Variants in SNTB2 observed in about 807,000 individuals in gnomAD.
The protein encoded by SNTB2 is syntrophin beta 2.
SNTB2 carries 34 observed loss-of-function variants against 46.2 expected under a neutral mutation model. The ratio of observed to expected loss-of-function variants is 0.74; its 90% CI spans 0.56 to 0.98. The LOEUF (loss-of-function observed/expected upper bound fraction) is 0.98, where lower values mean the gene tolerates loss of function less well. SNTB2 is among the 50% of genes least tolerant of loss of function. SNTB2 has a pLI of 0.00. For missense variants in SNTB2, 603 were observed against 731.4 expected (o/e 0.82, Z 2.02); for synonymous variants, 290 against 312.6 (o/e 0.93, Z 0.76).
intron 1 of SNTB2, among the ~76,000 whole-genome samples, chr16:69,199,991 C>T (rs566822844): frequency 8.5e-5 from 13 of 152,096 alleles, no homozygotes; most frequent in African/African-American, 2.4e-4. Context: ...CTCAGCTCAC[C>T]GCAACCTCCA....
intron 1 of SNTB2, among the ~76,000 whole-genome samples, chr16:69,224,709 G>T (rs544043039): frequency 6.6e-6 from 1 of 152,038 alleles, no homozygotes. Flanking sequence ...GAAAGAGCTG[G>T]CCCTTCTCCT....
chr16:69,187,461 C>A lies in SNTB2; in HGVS notation c.295C>A (p.Pro99Thr). ...CCTGGGGCCCCCGAGCCCGCCGGCG[C>A]CGCCTCGGGGCCCCGCGGGTGAGGC... is the stretch of plus-strand genomic sequence containing the variant. ...RGLGPPSPPA[P>T]PRGPAGEAGA... The change falls in exon 1 of 7, where the codon CCG becomes ACG. Residue 99 changes from proline (P) to threonine (T), a missense_variant. This residue lies in a region of SNTB2 where 537 missense variants were observed against 692.4 expected (regional missense o/e 0.78). Coordinates refer to ENST00000336278, the MANE Select transcript of SNTB2 (RefSeq NM_006750.4). The A allele has an allele frequency of 8.5e-7, 1 of 1,183,122 alleles. No individual in the cohort carries two copies. The highest frequency in any genetic ancestry group is 1.0e-6 in the Non-Finnish European group (1 of 954,404). 73.3% of individuals were successfully genotyped at this position (1,183,122 alleles called of 1,614,324 possible).
chr16:69,276,585 G>A (rs1301311559), intron 4 of SNTB2, among the ~76,000 whole-genome samples: 1 of 152,172 alleles, frequency 6.6e-6, no homozygotes, highest in Admixed American at 6.5e-5. Context: ...CTCTTTCTGA[G>A]GTAGCTAATG....
chr16:69,266,359 A>G (rs1205702399), intron 3 of SNTB2, among the ~76,000 whole-genome samples: 3 of 152,010 alleles, frequency 2.0e-5, no homozygotes, highest in African/African-American at 4.8e-5. Flanking sequence ...GTGAGAGTCT[A>G]TTGTAAAAAC....
chr16:69,286,187 G>A (rs1461604920), intron 5 of SNTB2, among the ~76,000 whole-genome samples: 1 of 152,168 alleles, frequency 6.6e-6, no homozygotes, highest in Non-Finnish European at 1.5e-5. Flanking sequence ...CTGGCTTCAA[G>A]CTATTCTCTG....
rs1965326225 is a variant in SNTB2, at chr16:69,307,686, A to T, written c.*6762A>T. On this transcript the variant is annotated 3_prime_UTR_variant, in exon 7 of 7. Transcript: ENST00000336278. ...ATTAATGATAGATCAAAATGAAGAT[A>T]TTTAAAAATTAACAAAATCAGGCCA... is the stretch of plus-strand genomic sequence containing the variant. 1 of 152,070 alleles carries T rather than the reference A, an allele frequency of 6.6e-6. No individual in the cohort carries two copies. The highest frequency in any genetic ancestry group is 6.6e-5 in the Admixed American group (1 of 15,250). The allele number at this position is 152,070 out of a possible 1,614,324, so 9.4% of individuals were successfully genotyped here. A position where few individuals can be genotyped will look rare whatever the true frequency, so the allele number is the denominator to read the frequency against.
intron 3 of SNTB2, among the ~76,000 whole-genome samples, chr16:69,266,100 C>T (rs1003763403): frequency 6.6e-6 from 1 of 152,182 alleles, no homozygotes; most frequent in Non-Finnish European, 1.5e-5. Flanking sequence ...TGTGGTGGCT[C>T]ATACCTAGAA....
At chr16:69,255,939 G>A (rs1964771651) in intron 2 of SNTB2, among the ~76,000 whole-genome samples, 1 of 150,134 alleles carries the variant, frequency 6.7e-6, no homozygotes, top group East Asian at 2.0e-4. Context: ...TGTAATCCCA[G>A]CACTTTGGGA....
intron 5 of SNTB2, among the ~76,000 whole-genome samples, chr16:69,288,423 G>A (rs1032017210): frequency 3.9e-5 from 6 of 151,954 alleles, no homozygotes; most frequent in Non-Finnish European, 7.4e-5. Flanking sequence ...ACACTTTTTT[G>A]TTCTTATTCA....
intron 1 of SNTB2, among the ~76,000 whole-genome samples, chr16:69,202,213 T>C (rs1964169576): frequency 1.3e-5 from 2 of 152,184 alleles, no homozygotes; most frequent in Non-Finnish European, 2.9e-5. Flanking sequence ...CTTGGAGGCT[T>C]TCTCATTGTT....
At chr16:69,282,093 C>T (rs1477584403) in intron 4 of SNTB2, among the ~76,000 whole-genome samples, 5 of 149,488 alleles carry the variant, frequency 3.3e-5, no homozygotes, top group Admixed American at 2.6e-4. Context: ...TTAGTAGAGA[C>T]GGGGTTTTAC....
intron 1 of SNTB2, among the ~76,000 whole-genome samples, chr16:69,192,281 A>C (rs944209572): frequency 1.3e-5 from 2 of 152,192 alleles, no homozygotes; most frequent in Non-Finnish European, 2.9e-5. Context: ...AAAGCAGTTG[A>C]TGCTTGTCAG....
chr16:69,259,563 T>A (rs1037693731), intron 2 of SNTB2, among the ~76,000 whole-genome samples: 3 of 147,732 alleles, frequency 2.0e-5, no homozygotes, highest in Admixed American at 6.9e-5. Context: ...ATGTGTTGTT[T>A]TCTTTGGAAC....
intron 1 of SNTB2, among the ~76,000 whole-genome samples, chr16:69,207,052 C>T (rs150590586): frequency 6.6e-6 from 1 of 152,068 alleles, no homozygotes; most frequent in African/African-American, 2.4e-5. Context: ...CAGGCATGAG[C>T]CACACTGCGC....
chr16:69,276,787 C>T (rs965887554), intron 4 of SNTB2, among the ~76,000 whole-genome samples: 4 of 151,988 alleles, frequency 2.6e-5, no homozygotes, highest in Non-Finnish European at 5.9e-5. Context: ...ATTGCTGGCA[C>T]CTTAGCATGA....
At chr16:69,296,180 T>C (rs1965221207) in intron 5 of SNTB2, among the ~76,000 whole-genome samples, 1 of 151,964 alleles carries the variant, frequency 6.6e-6, no homozygotes, top group South Asian at 2.1e-4. Flanking sequence ...CTTGGGAGGC[T>C]GAGGCAGGAG....
chr16:69,291,966 T>C (rs750981430), intron 5 of SNTB2, among the ~76,000 whole-genome samples: 49 of 151,292 alleles, frequency 3.2e-4, no homozygotes, highest in Non-Finnish European at 5.9e-4. Context: ...ACGCCTGTAA[T>C]CCTAGCACTT....
At chr16:69,272,470 G>A (rs1425912385) in intron 4 of SNTB2, among the ~76,000 whole-genome samples, 1 of 150,330 alleles carries the variant, frequency 6.7e-6, no homozygotes, top group African/African-American at 2.5e-5. Context: ...GATATGGGAG[G>A]CAGAGGTTGC....
chr16:69,289,198 G>A (rs1965135375), intron 5 of SNTB2, among the ~76,000 whole-genome samples: 2 of 151,392 alleles, frequency 1.3e-5, no homozygotes, highest in African/African-American at 4.9e-5. Context: ...GAACCCGGGA[G>A]GCAGAGGTTG....
Sources: allele counts gnomAD v4.1 joint callset (sites outside exome capture counted in the v4.1 genomes callset), GRCh38; gene constraint gnomAD v4.1.1; regional missense constraint gnomAD v4.1.1; transcripts MANE v1.5; gene names NCBI Gene and HGNC (gene_info 2026-07-23, HGNC 2026-07-21).